Variants in GBE1 observed in about 807,000 individuals in gnomAD.
GBE1 encodes 1,4-alpha-glucan branching enzyme 1.
A neutral mutation model predicts 88.8 loss-of-function variants in GBE1; 70 were observed. The ratio of observed to expected loss-of-function variants is 0.79; its 90% CI spans 0.65 to 0.96. The LOEUF (loss-of-function observed/expected upper bound fraction) is 0.96. Ranked by LOEUF, GBE1 falls within the 40% of genes least tolerant of loss-of-function variation. The pLI is 0.00. For synonymous variants in GBE1, 284 were observed against 300.1 expected, an observed-to-expected ratio of 0.95 and a Z score of 0.56; for missense variants, 872 against 871.0, an observed-to-expected ratio of 1.00 and a Z score of -0.01.
At chr3:81,723,343 C>T (rs965576393) in intron 1 of GBE1, among the ~76,000 whole-genome samples, 42 of 151,116 alleles carry the variant, frequency 2.8e-4, no homozygotes, top group Admixed American at 2.5e-3. Flanking sequence ...CCTCGTGATC[C>T]GCCCGCCTCA....
chr3:81,737,911 C>T (rs931934092), intron 1 of GBE1, among the ~76,000 whole-genome samples: 1 of 151,944 alleles, frequency 6.6e-6, no homozygotes, highest in African/African-American at 2.4e-5. Flanking sequence ...CCTTCCCCCA[C>T]CCCAAAACAG....
At chr3:81,726,416 A>G (rs1421949482) in intron 1 of GBE1, among the ~76,000 whole-genome samples, 1 of 152,174 alleles carries the variant, frequency 6.6e-6, no homozygotes, top group East Asian at 1.9e-4. Flanking sequence ...AATAAAACAG[A>G]TCTATCACTG....
At position 81,642,773 on chromosome 3, in the gene GBE1, G is replaced by A. The variant is rs779096891; in HGVS notation, c.992+8C>T. ...AATAGAAAACATTTCTATATTGTAT[G>A]TACCTACCTGGAGTAGGCAAACAAT... is the stretch of plus-strand genomic sequence containing the variant. On this transcript the variant is annotated splice_region_variant and intron_variant, in intron 7 of 15. Coordinates refer to ENST00000429644, the MANE Select transcript of GBE1 (RefSeq NM_000158.4). 4 of 1,536,594 alleles carry A rather than the reference G, an allele frequency of 2.6e-6. No homozygotes were observed. Among genetic ancestry groups the A allele is most frequent in the African/African-American group, 2.7e-5 (2 of 73,392 alleles).
At position 81,553,560 on chromosome 3, in the gene GBE1, T is replaced by C. The variant is rs115580447; in HGVS notation, c.1619-16465A>G. On this transcript the variant is annotated intron_variant, in intron 12 of 15. Coordinates refer to ENST00000429644, the MANE Select transcript of GBE1 (RefSeq NM_000158.4). ...ATGATGTCTGCTTCCATTAGTAGAC[T>C]ATGTATTCCTCATGGAAAATGTCTT... Among the ~76,000 whole-genome samples, 697 of 150,542 alleles carry C rather than the reference T, an allele frequency of 4.6e-3. 8 individuals carry two copies. Among genetic ancestry groups the C allele is most frequent in the Non-Finnish European group, 4.6e-3 (311 of 67,770 alleles).
chr3:81,603,029 C>T (rs1559659382), intron 7 of GBE1, among the ~76,000 whole-genome samples: 1 of 152,062 alleles, frequency 6.6e-6, no homozygotes, highest in Non-Finnish European at 1.5e-5. Flanking sequence ...TCCTTACTCC[C>T]TATGGCTCCT....
At chr3:81,578,592 A>C (rs1021774136) in intron 11 of GBE1, among the ~76,000 whole-genome samples, 7 of 151,656 alleles carry the variant, frequency 4.6e-5, no homozygotes, top group African/African-American at 1.7e-4. Context: ...TCCTGCCCTC[A>C]GCAGAGAAAA....
intron 2 of GBE1, among the ~76,000 whole-genome samples, chr3:81,695,840 C>T (rs373054542): frequency 5.3e-5 from 8 of 152,228 alleles, no homozygotes; most frequent in African/African-American, 1.9e-4. Context: ...TTATTTTCAG[C>T]TTCCTGATCG....
At chr3:81,616,948 C>T (rs912172058) in intron 7 of GBE1, among the ~76,000 whole-genome samples, 2 of 151,766 alleles carry the variant, frequency 1.3e-5, no homozygotes. Context: ...AGAGAAACAA[C>T]TTCAAGGAAG....
intron 3 of GBE1, among the ~76,000 whole-genome samples, chr3:81,652,177 A>C (rs923353322): frequency 6.6e-6 from 1 of 152,242 alleles, no homozygotes; most frequent in African/African-American, 2.4e-5. Flanking sequence ...CTATGATGTG[A>C]ACCCAACGTG....
chr3:81,548,108 C>A (rs549738020), intron 12 of GBE1, among the ~76,000 whole-genome samples: 1 of 151,450 alleles, frequency 6.6e-6, no homozygotes, highest in South Asian at 2.1e-4. Context: ...GTGACATTTG[C>A]CATTTTTTAA....
At chr3:81,757,088 T>G (rs556828641) in intron 1 of GBE1, among the ~76,000 whole-genome samples, 1 of 152,274 alleles carries the variant, frequency 6.6e-6, no homozygotes, top group Non-Finnish European at 1.5e-5. Flanking sequence ...GTGGACAAAA[T>G]AAGAAATGAA....
intron 15 of GBE1, among the ~76,000 whole-genome samples, chr3:81,496,647 T>C (rs180775634): frequency 2.0e-5 from 3 of 152,332 alleles, no homozygotes; most frequent in African/African-American, 7.2e-5. Context: ...CCAGCACATA[T>C]GACTCAGTTT....
intron 12 of GBE1, among the ~76,000 whole-genome samples, chr3:81,547,369 A>C (rs1442392639): frequency 6.6e-6 from 1 of 151,568 alleles, no homozygotes; most frequent in African/African-American, 2.4e-5. Context: ...TGCTCTTTGG[A>C]GTAATCTGCT....
intron 7 of GBE1, among the ~76,000 whole-genome samples, chr3:81,597,340 G>C (rs950877355): frequency 1.3e-5 from 2 of 151,298 alleles, no homozygotes; most frequent in African/African-American, 4.8e-5. Flanking sequence ...TTTATAGCCT[G>C]TCTTTACAAA....
intron 2 of GBE1, among the ~76,000 whole-genome samples, chr3:81,696,804 G>A (rs1705603409): frequency 6.6e-6 from 1 of 152,072 alleles, no homozygotes. Context: ...AAAGCAATAT[G>A]AGGCTAGGAA....
In GBE1 at chr3:81,539,027, C is replaced by T. The variant is rs552225424; in HGVS notation, c.1619-1932G>A. ...ATTTCTGTTTATTATGTGCCAGGCA[C>T]GATTGTAGGCATTGCACATGAATTA... On this transcript the variant is annotated intron_variant, in intron 12 of 15. Coordinates refer to ENST00000429644, the MANE Select transcript of GBE1 (RefSeq NM_000158.4). Among the ~76,000 whole-genome samples the T allele has an allele frequency of 1.3e-4, 19 of 151,972 alleles. No individual in the cohort carries two copies. In the South Asian group the frequency reaches 3.9e-3, roughly 32 times the overall value.
At chr3:81,600,777 AC>A (rs1326004817) in intron 7 of GBE1, among the ~76,000 whole-genome samples, 2 of 152,186 alleles carry the variant, frequency 1.3e-5, no homozygotes, top group Non-Finnish European at 2.9e-5. Flanking sequence ...GCAACAATGT[AC>A]TTGGAGACCA....
intron 7 of GBE1, among the ~76,000 whole-genome samples, chr3:81,599,449 T>C (rs1384699419): frequency 6.6e-6 from 1 of 152,132 alleles, no homozygotes; most frequent in African/African-American, 2.4e-5. Context: ...AGAGCACACC[T>C]ATGTAAACTT....
chr3:81,678,325 C>G (rs1449326787), intron 2 of GBE1, among the ~76,000 whole-genome samples: 5 of 152,086 alleles, frequency 3.3e-5, no homozygotes, highest in Non-Finnish European at 7.4e-5. Flanking sequence ...CCTCATCAAC[C>G]AAAATGTCAT....
Sources: gnomAD v4.1 joint callset for allele counts (sites outside exome capture counted in the v4.1 genomes callset) on GRCh38, gnomAD v4.1.1 for gene constraint, MANE v1.5 for transcripts, NCBI Gene and HGNC (gene_info 2026-07-23, HGNC 2026-07-21) for gene names.